Variants in RERE observed in about 807,000 individuals in gnomAD.
RERE encodes the protein arginine-glutamic acid dipeptide repeats protein.
Under a neutral mutation model 146.1 loss-of-function variants are expected in RERE, and 40 were observed. The observed-to-expected ratio is 0.27, with a 90% CI of 0.21 to 0.36. RERE has a LOEUF of 0.36. Among genes scored for constraint, RERE ranks in the 10% least tolerant of loss-of-function variants. The pLI is 1.00. For synonymous variants in RERE, 1,003 were observed against 866.0 expected (o/e 1.16, Z -2.78); for missense variants, 1,933 against 2,138.7 (o/e 0.90, Z 1.90).
chr1:8,403,921 C>T (rs552397215), intron 12 of RERE, among the ~76,000 whole-genome samples: 7 of 145,878 alleles, frequency 4.8e-5, no homozygotes, highest in Admixed American at 2.8e-4. Context: ...ACCTCCATCT[C>T]GCGGGTTTAA....
At chr1:8,506,384 C>A (rs1308457597) in intron 8 of RERE, among the ~76,000 whole-genome samples, 5 of 152,232 alleles carry the variant, frequency 3.3e-5, no homozygotes, top group Non-Finnish European at 5.9e-5. Flanking sequence ...AACTATGTGA[C>A]CCTGATAGTT....
intron 1 of RERE, among the ~76,000 whole-genome samples, chr1:8,661,629 T>C (rs1013068438): frequency 5.3e-5 from 8 of 151,514 alleles, no homozygotes; most frequent in African/African-American, 7.3e-5. Context: ...AAGGTAAGAG[T>C]CAAATAAATA....
At chr1:8,388,546 C>T (rs1642766463) in intron 12 of RERE, among the ~76,000 whole-genome samples, 2 of 152,238 alleles carry the variant, frequency 1.3e-5, no homozygotes, top group Admixed American at 6.5e-5. Context: ...GTCTCGATCT[C>T]CTGACCTCAT....
intron 12 of RERE, among the ~76,000 whole-genome samples, chr1:8,422,014 AC>A (rs1643916796): frequency 6.6e-6 from 1 of 152,194 alleles, no homozygotes; most frequent in Non-Finnish European, 1.5e-5. Flanking sequence ...GAGGGAGGCA[AC>A]CACAGGGAAA....
intron 2 of RERE, among the ~76,000 whole-genome samples, chr1:8,643,014 A>G (rs1244345933): frequency 6.6e-6 from 1 of 152,248 alleles, no homozygotes; most frequent in African/African-American, 2.4e-5. Context: ...CCTGGGATAC[A>G]TCGGGGAAAA....
intron 2 of RERE, among the ~76,000 whole-genome samples, chr1:8,635,048 T>C (rs1570543465): frequency 6.6e-6 from 1 of 152,344 alleles, no homozygotes; most frequent in East Asian, 1.9e-4. Flanking sequence ...ATAAAGATAC[T>C]TTAAGAATAA....
At position 8,557,466 on chromosome 1, in the gene RERE, G is replaced by C. The variant is rs1361215075; in HGVS notation, c.580C>G (p.Pro194Ala). 1 of 1,613,500 alleles carries C rather than the reference G, an allele frequency of 6.2e-7. No homozygotes were observed. Among genetic ancestry groups the C allele is most frequent in the Non-Finnish European group, 8.5e-7 (1 of 1,179,442 alleles). ...ACCAAATGCTGATACACAGAATCTG[G>C]AACCTCAGATTGACGGTAGTACCAT... ...VKWYYRQSEV[P>A]DSVYQHLVQD... Residue 194 changes from proline (P) to alanine (A), a missense_variant, in exon 5 of 23, where the codon CCA (proline) becomes GCA (alanine). Pro to Ala is a conservative substitution (Grantham distance 27). Around this residue, in one of 11 missense-constraint regions of RERE, gnomAD observed 8 missense variants for 33.3 expected, o/e 0.24. Transcript: ENST00000400908.
intron 11 of RERE, 145 bp downstream of exon 11, chr1:8,465,780 C>A: frequency 2.8e-6 from 2 of 709,584 alleles, no homozygotes; most frequent in East Asian, 2.7e-5. Context: ...GGCTGAAGGG[C>A]CCCATCCTCC....
chr1:8,667,197 C>A (rs1456002829), intron 1 of RERE, among the ~76,000 whole-genome samples: 1 of 152,164 alleles, frequency 6.6e-6, no homozygotes, highest in African/African-American at 2.4e-5. Flanking sequence ...TAACAAAACA[C>A]AAGACCACTG....
chr1:8,552,298 G>A (rs1645944882), intron 6 of RERE, among the ~76,000 whole-genome samples: 1 of 152,180 alleles, frequency 6.6e-6, no homozygotes, highest in Admixed American at 6.5e-5. Flanking sequence ...GTTTCCTCCT[G>A]AGTGAATGGA....
chr1:8,692,550 T>C (rs778009688), intron 1 of RERE, among the ~76,000 whole-genome samples: 2 of 152,054 alleles, frequency 1.3e-5, no homozygotes, highest in Non-Finnish European at 2.9e-5. Flanking sequence ...GGTTTCACTA[T>C]AATGGCCAGG....
In RERE at chr1:8,359,917, G is replaced by C; in HGVS notation, c.3465C>G (p.Ala1155=). ...CCCTCTTCTTGGCCAGCTTGGACCC[G>C]GCCAGAGGCATGAAGTACAGGTCTG... ...ARTDLYFMPL[A]GSKLAKKREE... is the part of the protein sequence containing the mutation. The change falls in exon 19 of 23, where the codon GCC becomes GCG. Residue 1155 remains alanine (A), a synonymous_variant. Coordinates refer to ENST00000400908, the MANE Select transcript of RERE (RefSeq NM_001042681.2). The C allele has an allele frequency of 6.2e-7, 1 of 1,613,310 alleles. No individual in the cohort carries two copies. The highest frequency in any genetic ancestry group is 1.1e-5 in the South Asian group (1 of 91,072).
At chr1:8,466,333 G>A (rs1009117748) in intron 10 of RERE, among the ~76,000 whole-genome samples, 1 of 152,130 alleles carries the variant, frequency 6.6e-6, no homozygotes, top group African/African-American at 2.4e-5. Context: ...CAGTGCTCAG[G>A]ACATTCCATG....
intron 4 of RERE, among the ~76,000 whole-genome samples, chr1:8,609,503 A>G (rs1263763680): frequency 6.6e-6 from 1 of 152,208 alleles, no homozygotes; most frequent in Non-Finnish European, 1.5e-5. Context: ...ATCTTTCACT[A>G]AAATCAAATA....
At chr1:8,408,951 T>G (rs188690084) in intron 12 of RERE, among the ~76,000 whole-genome samples, 1 of 152,176 alleles carries the variant, frequency 6.6e-6, no homozygotes, top group South Asian at 2.1e-4. Context: ...CCGCAATGAT[T>G]TGGGGGTAGG....
intron 10 of RERE, among the ~76,000 whole-genome samples, chr1:8,468,600 G>A (rs930333280): frequency 1.3e-5 from 2 of 152,134 alleles, no homozygotes; most frequent in Admixed American, 1.3e-4. Context: ...TATAAGAAAA[G>A]TATGAGGCTA....
At chr1:8,585,559 T>C (rs951494159) in intron 4 of RERE, among the ~76,000 whole-genome samples, 10 of 152,178 alleles carry the variant, frequency 6.6e-5, no homozygotes, top group African/African-American at 2.4e-4. Context: ...ATGGAACACC[T>C]TGGCATAGAG....
chr1:8,648,904 A>G (rs1274631275), intron 2 of RERE, among the ~76,000 whole-genome samples: 1 of 152,272 alleles, frequency 6.6e-6, no homozygotes, highest in South Asian at 2.1e-4. Context: ...TAAAAAATTA[A>G]TACATACTTT....
intron 1 of RERE, among the ~76,000 whole-genome samples, chr1:8,724,151 TAAGA>T (rs1328657170): frequency 6.6e-6 from 1 of 152,208 alleles, no homozygotes; most frequent in African/African-American, 2.4e-5. Flanking sequence ...TGTAACATAT[TAAGA>T]AATACATTTA....
Sources: allele counts gnomAD v4.1 joint callset (sites outside exome capture counted in the v4.1 genomes callset), GRCh38; gene constraint gnomAD v4.1.1; regional missense constraint gnomAD v4.1.1; transcripts MANE v1.5; gene names NCBI Gene and HGNC (gene_info 2026-07-23, HGNC 2026-07-21).